Variants in BRIP1 observed in about 807,000 individuals in gnomAD.
BRIP1 encodes the protein Fanconi anemia group J protein.
BRIP1 carries 88 observed loss-of-function variants against 119.7 expected under a neutral mutation model. The observed-to-expected ratio is 0.74, with a 90% CI of 0.62 to 0.88. BRIP1 has a LOEUF of 0.88. Among genes scored for constraint, BRIP1 ranks in the 40% least tolerant of loss-of-function variants. The pLI is 0.00. For synonymous variants in BRIP1, 443 were observed against 496.5 expected (o/e 0.89, Z 1.43); for missense variants, 1,259 against 1,455.4 (o/e 0.87, Z 2.20).
Position 61,796,495 on chromosome 17 carries a change from C to A in BRIP1, c.1340+2605G>T, listed in dbSNP as rs2077901631. 6.6e-6 allele frequency among the ~76,000 whole-genome samples: 1 copy of A among 151,970 alleles called. No homozygotes were observed. The highest frequency in any genetic ancestry group is 2.4e-5 in the African/African-American group (1 of 41,390). ...GATGGATATCCAGTTTTCCCGGCAC[C>A]ATTTATTGAAGAGACTGTCTTTCCC... On this transcript the variant is annotated intron_variant, in intron 9 of 19. Transcript: ENST00000259008. The surrounding 1 kb of genome is among the most constrained non-coding windows in gnomAD (Gnocchi z 4.8).
In BRIP1 at chr17:61,703,644, A is replaced by G. The variant is rs139509327; in HGVS notation, c.2493-10132T>C. 4.9e-4 allele frequency among the ~76,000 whole-genome samples: 75 copies of G among 152,288 alleles called. No individual in the cohort carries two copies. The East Asian group carries it at 0.014, about 27-fold the overall frequency. On this transcript the variant is annotated intron_variant, in intron 17 of 19. Transcript: ENST00000259008. The surrounding 1 kb of genome is among the most constrained non-coding windows in gnomAD (Gnocchi z 5.0). ...GTGCAGAAGCTCTTAAGTTTAATTA[A>G]GTCCCATTCGTCGATTTTGTTTTTG...
intron 8 of BRIP1, among the ~76,000 whole-genome samples, chr17:61,800,042 T>C (rs1320645772): frequency 6.6e-6 from 1 of 152,100 alleles, no homozygotes; most frequent in Non-Finnish European, 1.5e-5. Flanking sequence ...ACCAGAGTAA[T>C]TTGGAGGGAC....
Position 61,803,266 on chromosome 17 carries a change from T to C in BRIP1, c.919-1792A>G, listed in dbSNP as rs2078022734. On this transcript the variant is annotated intron_variant, in intron 7 of 19. Transcript: ENST00000259008. This position sits in a 1 kb window ranked among gnomAD's most constrained non-coding sequence, Gnocchi z 4.3. ...ATCACCACATATGGCTCCTTTTTTG[T>C]AGAGACAGGGTTTTGTCATGTTGCT... Among the ~76,000 whole-genome samples, 1 of 152,152 alleles carries C rather than the reference T, an allele frequency of 6.6e-6. No individual in the cohort carries two copies. The highest frequency in any genetic ancestry group is 1.5e-5 in the Non-Finnish European group (1 of 68,010).
rs978558677 is a variant in BRIP1 at position 61,726,910 on chromosome 17, A to G, written c.2380-10847T>C. 2.0e-5 allele frequency among the ~76,000 whole-genome samples: 3 copies of G among 152,190 alleles called. No homozygotes were observed. Among genetic ancestry groups the G allele is most frequent in the African/African-American group, 7.2e-5 (3 of 41,444 alleles). ...TATTATTTTATTCAAATATCTTACA[A>G]TCTAGAGTTTTTCTTGTTAAAGTCA... On this transcript the variant is annotated intron_variant, in intron 16 of 19. Transcript: ENST00000259008. This position sits in a 1 kb window ranked among gnomAD's most constrained non-coding sequence, Gnocchi z 6.2.
rs587780832 is a variant in BRIP1 at position 61,847,116 on chromosome 17, G to C, written c.612C>G (p.Ser204=). 22 of 1,613,758 alleles carry C rather than the reference G, an allele frequency of 1.4e-5. No individual in the cohort carries two copies. The highest frequency in any genetic ancestry group is 1.5e-5 in the Non-Finnish European group (18 of 1,179,878). ...KLNSPLEKIN[S]FSPQKPPGHC... is the part of the protein sequence containing the mutation. ...TAATACATACTTTCTGTGGCGAAAA[G>C]GAGTTTATCTTTTCCAGTGGAGAGT... The change falls in exon 6 of 20, where the codon TCC becomes TCG. Residue 204 remains serine (S), a synonymous_variant. Coordinates refer to ENST00000259008, the MANE Select transcript of BRIP1 (RefSeq NM_032043.3).
chr17:61,793,771 T>TA lies in BRIP1; in HGVS notation c.1341-43dup. On this transcript the variant is annotated intron_variant, in intron 9 of 19. Coordinates refer to ENST00000259008, the MANE Select transcript of BRIP1 (RefSeq NM_032043.3). This position sits in a 1 kb window ranked among gnomAD's most constrained non-coding sequence, Gnocchi z 5.2. The stretch of plus-strand genomic sequence containing the variant: ...CAATTGTGTCAACCAGTATCATCCT[T>TA]ACACACACTATTTCAGCAGAACAAG... The TA allele has an allele frequency of 6.3e-7, 1 of 1,587,006 alleles. No homozygotes were observed. Among genetic ancestry groups the TA allele is most frequent in the Non-Finnish European group, 8.6e-7 (1 of 1,166,930 alleles).
chr17:61,781,192 T>A (rs899689252), intron 11 of BRIP1, among the ~76,000 whole-genome samples, 187 bp from the exon 12 acceptor site: 7 of 152,240 alleles, frequency 4.6e-5, no homozygotes, highest in Non-Finnish European at 8.8e-5. Flanking sequence ...CCATTAATCA[T>A]AGAATCAACT....
chr17:61,799,148 C>T lies in BRIP1; in HGVS notation c.1292G>A (p.Arg431Lys), dbSNP rs1328630889. The T allele has an allele frequency of 1.2e-6, 2 of 1,613,610 alleles. No homozygotes were observed. The highest frequency in any genetic ancestry group is 1.7e-6 in the Non-Finnish European group (2 of 1,179,664). Residue 431 changes from arginine (R) to lysine (K), a missense_variant, in exon 9 of 20, where the codon AGG becomes AAG. By Grantham distance (26) the Arg-to-Lys change is conservative (BLOSUM62 2). This residue lies in a region of BRIP1 where 501 missense variants were observed against 544.0 expected (regional missense o/e 0.92). Coordinates refer to ENST00000259008, the MANE Select transcript of BRIP1 (RefSeq NM_032043.3). This position sits in a 1 kb window ranked among gnomAD's most constrained non-coding sequence, Gnocchi z 5.1. The stretch of plus-strand genomic sequence containing the variant: ...TCGTAGGGGTTCATGATCTTTCTTC[C>T]TTATATTATTGTTGACCATACTATC... The part of the protein sequence containing the change: ...ELDSMVNNNI[R>K]KKDHEPLRAV...
At chr17:61,721,475 T>C (rs932045081) in intron 16 of BRIP1, among the ~76,000 whole-genome samples, 3 of 151,050 alleles carry the variant, frequency 2.0e-5, no homozygotes, top group African/African-American at 7.3e-5. Flanking sequence ...TTCACCATGT[T>C]GACCAGGATG....
chr17:61,814,339 G>A lies in BRIP1; in HGVS notation c.628-5582C>T, dbSNP rs1020766502. 6.6e-6 allele frequency among the ~76,000 whole-genome samples: 1 copy of A among 152,064 alleles called. No individual in the cohort carries two copies. Among genetic ancestry groups the A allele is most frequent in the Non-Finnish European group, 1.5e-5 (1 of 67,918 alleles). On this transcript the variant is annotated intron_variant, in intron 6 of 19. Transcript: ENST00000259008. This position sits in a 1 kb window ranked among gnomAD's most constrained non-coding sequence, Gnocchi z 4.9. ...AAAAAGGGGGCACAGGCTGACAGAA[G>A]ATACTTGCAGTGCTTACAGTCAAGT...
At chr17:61,711,681 C>T (rs2061776710) in intron 17 of BRIP1, among the ~76,000 whole-genome samples, 1 of 151,844 alleles carries the variant, frequency 6.6e-6, no homozygotes, top group Admixed American at 6.6e-5. Context: ...CCAGCCTGGC[C>T]AACATAGCGA....
chr17:61,798,884 T>C lies in BRIP1; in HGVS notation c.1340+216A>G, dbSNP rs2077941892. Among the ~76,000 whole-genome samples the C allele has an allele frequency of 6.6e-6, 1 of 152,080 alleles. No homozygotes were observed. Among genetic ancestry groups the C allele is most frequent in the South Asian group, 2.1e-4 (1 of 4,832 alleles). ...GCCAAATTAGGAATAAGATTCACAA[T>C]TATTCATTTTTAAAAATCACTTATG... On this transcript the variant is annotated intron_variant, in intron 9 of 19. Coordinates refer to ENST00000259008, the MANE Select transcript of BRIP1 (RefSeq NM_032043.3). This position sits in a 1 kb window ranked among gnomAD's most constrained non-coding sequence, Gnocchi z 5.5.
rs571662361 is a variant in BRIP1, at chr17:61,853,009, C to A, written c.380-3753G>T. 6.6e-6 allele frequency among the ~76,000 whole-genome samples: 1 copy of A among 152,054 alleles called. No individual in the cohort carries two copies. Among genetic ancestry groups the A allele is most frequent in the Non-Finnish European group, 1.5e-5 (1 of 68,032 alleles). On this transcript the variant is annotated intron_variant, in intron 4 of 19. Coordinates refer to ENST00000259008, the MANE Select transcript of BRIP1 (RefSeq NM_032043.3). The surrounding 1 kb of genome is among the most constrained non-coding windows in gnomAD (Gnocchi z 4.3). ...GGTATGTGTCTACAGACAATACTTA[C>A]CTATTTGCACCCTTTGAACAAGAAT...
In BRIP1 at chr17:61,852,815, CT is replaced by C. The variant is rs796955472; in HGVS notation, c.380-3560del. Among the ~76,000 whole-genome samples, 4 of 151,650 alleles carry C rather than the reference CT, an allele frequency of 2.6e-5. No individual in the cohort carries two copies. Among genetic ancestry groups the C allele is most frequent in the African/African-American group, 4.8e-5 (2 of 41,286 alleles). ...ACCACACATACACAAGAATGACTAA[CT>C]TTTTTTTTAAACTATAAATATCAAG... On this transcript the variant is annotated intron_variant, in intron 4 of 19. Coordinates refer to ENST00000259008, the MANE Select transcript of BRIP1 (RefSeq NM_032043.3). This position sits in a 1 kb window ranked among gnomAD's most constrained non-coding sequence, Gnocchi z 4.9.
Position 61,693,737 on chromosome 17 carries a change from G to T in BRIP1, c.2493-225C>A, listed in dbSNP as rs1008199988. 2.6e-5 allele frequency among the ~76,000 whole-genome samples: 4 copies of T among 151,938 alleles called. No individual in the cohort carries two copies. Among genetic ancestry groups the T allele is most frequent in the Non-Finnish European group, 5.9e-5 (4 of 67,962 alleles). ...ACAGATAACTTGCATCCAAAATGTTGTATTTTATTTTGCACTCAAGAAAAT... is the reference window on the plus strand; with the variant it reads ...ACAGATAACTTGCATCCAAAATGTTTTATTTTATTTTGCACTCAAGAAAAT... On this transcript the variant is annotated intron_variant, in intron 17 of 19. Coordinates refer to ENST00000259008, the MANE Select transcript of BRIP1 (RefSeq NM_032043.3). The surrounding 1 kb of genome is among the most constrained non-coding windows in gnomAD (Gnocchi z 4.2).
At chr17:61,840,682 T>C (rs1386597779) in intron 6 of BRIP1, among the ~76,000 whole-genome samples, 1 of 152,104 alleles carries the variant, frequency 6.6e-6, no homozygotes, top group African/African-American at 2.4e-5. Flanking sequence ...ACAGATTCAA[T>C]GTAATCCCTA....
Position 61,746,621 on chromosome 17 carries a change from T to A in BRIP1, c.2098-2030A>T, listed in dbSNP as rs987981999. Reference sequence around the variant, plus strand: ...AGGACATTATATAATGATAAATGGGTCAATTCACTGGGAATATTTAACAAC... The same window carrying A: ...AGGACATTATATAATGATAAATGGGACAATTCACTGGGAATATTTAACAAC... On this transcript the variant is annotated intron_variant, in intron 14 of 19. Transcript: ENST00000259008. The surrounding 1 kb of genome is among the most constrained non-coding windows in gnomAD (Gnocchi z 4.9). Among the ~76,000 whole-genome samples the A allele has an allele frequency of 1.3e-5, 2 of 151,924 alleles. No individual in the cohort carries two copies. Among genetic ancestry groups the A allele is most frequent in the African/African-American group, 4.8e-5 (2 of 41,384 alleles).
rs1261412420 is a variant in BRIP1, at chr17:61,795,346, AT to A, written c.1341-1618del. Among the ~76,000 whole-genome samples, 1 of 151,288 alleles carries A rather than the reference AT, an allele frequency of 6.6e-6. No individual in the cohort carries two copies. The highest frequency in any genetic ancestry group is 1.5e-5 in the Non-Finnish European group (1 of 67,750). On this transcript the variant is annotated intron_variant, in intron 9 of 19. Coordinates refer to ENST00000259008, the MANE Select transcript of BRIP1 (RefSeq NM_032043.3). This position sits in a 1 kb window ranked among gnomAD's most constrained non-coding sequence, Gnocchi z 5.6. ...ATACTAGGCCTTATTCATTCATTCTATTTTTCTTTTTTTTGTACTCATTAAC... is the reference window on the plus strand; with the variant it reads ...ATACTAGGCCTTATTCATTCATTCTATTTTCTTTTTTTTGTACTCATTAAC...
intron 3 of BRIP1, among the ~76,000 whole-genome samples, chr17:61,859,459 G>A (rs2078943385): frequency 6.6e-6 from 1 of 152,126 alleles, no homozygotes; most frequent in Admixed American, 6.5e-5. Context: ...AGTCTCCCAA[G>A]TAGCTGGGAC....
Sources: allele counts gnomAD v4.1 joint callset (sites outside exome capture counted in the v4.1 genomes callset), GRCh38; gene constraint gnomAD v4.1.1; regional missense constraint gnomAD v4.1.1; non-coding constraint Gnocchi (gnomAD v3.1); transcripts MANE v1.5; gene names NCBI Gene and HGNC (gene_info 2026-07-23, HGNC 2026-07-21).